The following LSS variants were observed in gnomAD, a reference collection of about 807,000 sequenced individuals.
LSS encodes the protein 2,3-epoxysqualene-lanosterol cyclase.
A neutral mutation model predicts 110.3 loss-of-function variants in LSS; 90 were observed. The ratio of observed to expected loss-of-function variants is 0.82; its 90% CI spans 0.69 to 0.97. The LOEUF is 0.97. Ranked by LOEUF, LSS falls within the 50% of genes least tolerant of loss-of-function variation. LSS has a pLI of 0.00. For missense variants in LSS, 927 were observed against 990.0 expected, an observed-to-expected ratio of 0.94 and a Z score of 0.85; for synonymous variants, 433 against 400.0, an observed-to-expected ratio of 1.08 and a Z score of -0.98.
In LSS at chr21:46,192,216, G is replaced by GT. The variant is rs1269755562; in HGVS notation, c.1989-258dup. The stretch of plus-strand genomic sequence containing the variant: ...CAGGCCTCCTCAGGCCTGCCCTGGT[G>GT]TTCCCCCCTGAAGAGGACGCCAAGC... On this transcript the variant is annotated intron_variant, in intron 20 of 21. Transcript: ENST00000397728. The GT allele has an allele frequency of 8.7e-6, 5 of 572,772 alleles. No individual in the cohort carries two copies. In the Admixed American group the frequency reaches 1.5e-4, roughly 17 times the overall value. The allele number at this position is 572,772 out of a possible 1,614,324, so 35.5% of individuals were successfully genotyped here.
chr21:46,199,315 G>A (rs1417954096), intron 17 of LSS, among the ~76,000 whole-genome samples: 1 of 152,196 alleles, frequency 6.6e-6, no homozygotes, highest in Non-Finnish European at 1.5e-5. Flanking sequence ...ATTGAAACAA[G>A]GAGATACCAC....
intron 17 of LSS, among the ~76,000 whole-genome samples, chr21:46,202,121 G>A (rs1295513010): frequency 2.1e-5 from 3 of 140,302 alleles, no homozygotes; most frequent in Non-Finnish European, 4.7e-5. Flanking sequence ...TAGGCCGGGC[G>A]CGGTGGCTCA....
intron 13 of LSS, 128 bp from the exon 14 acceptor site, chr21:46,208,429 C>A (rs113532472): frequency 1.2e-6 from 1 of 831,630 alleles, no homozygotes; most frequent in East Asian, 2.7e-5. Flanking sequence ...CTTACTCTGC[C>A]GGCCACAGCC....
intron 19 of LSS, 89 bp downstream of exon 19, chr21:46,195,587 C>A: frequency 1.7e-6 from 2 of 1,190,754 alleles, no homozygotes; most frequent in Non-Finnish European, 1.2e-6. Flanking sequence ...AACAAACAAA[C>A]CCTAAAACCA....
At chr21:46,195,942 G>A (rs1048664631) in intron 18 of LSS, among the ~76,000 whole-genome samples, 186 bp from the exon 19 acceptor site, 4 of 152,218 alleles carry the variant, frequency 2.6e-5, no homozygotes, top group African/African-American at 9.6e-5. Flanking sequence ...AAAGGGTGGA[G>A]GGAATAGCCA....
In LSS at chr21:46,215,277, T is replaced by G. The variant is rs375558460; in HGVS notation, c.914A>C (p.His305Pro). 3 of 1,609,860 alleles carry G rather than the reference T, an allele frequency of 1.9e-6. No homozygotes were observed. The highest frequency in any genetic ancestry group is 1.3e-5 in the African/African-American group (1 of 74,852). Residue 305 changes from histidine (H) to proline (P), a missense_variant, in exon 9 of 22, where the codon CAC becomes CCC. Transcript: ENST00000397728. ...CTGCCGCAGGTGGGCACTGTGGTGG[T>G]GCTCATACAGGTTGAGGAGCGCTAC... Reference protein sequence around the residue: ...VVYALLNLYEHHHSAHLRQRA... With the variant: ...VVYALLNLYEPHHSAHLRQRA...
Position 46,205,771 on chromosome 21 carries a change from G to T in LSS, c.1670+65C>A, listed in dbSNP as rs1412267298. 15 of 1,271,062 alleles carry T rather than the reference G, an allele frequency of 1.2e-5. No individual in the cohort carries two copies. In the Admixed American group the frequency reaches 1.5e-4, roughly 13 times the overall value. The allele number at this position is 1,271,062 out of a possible 1,614,324, so 78.7% of individuals were successfully genotyped here. A position where few individuals can be genotyped will look rare whatever the true frequency, so the allele number is the denominator to read the frequency against. On this transcript the variant is annotated intron_variant, in intron 17 of 21. Transcript: ENST00000397728. ...GGCCACCAGGGCCGTGTCACAGAAT[G>T]ATGCGTCTGGGTCTTGGCCCCCGAC...
chr21:46,219,807 G>A (rs892528294), intron 5 of LSS, among the ~76,000 whole-genome samples: 1 of 152,186 alleles, frequency 6.6e-6, no homozygotes, highest in African/African-American at 2.4e-5. Flanking sequence ...GAGTGTGTGT[G>A]TCCAGCCCCA....
In LSS at chr21:46,209,544, C is replaced by A. The variant is rs1327951299; in HGVS notation, c.1266+10G>T. ...TTCAGCCCCCTCAGAGCCCCAGGCA[C>A]CGGCCTCACCTGTGAGAGCCTCAGG... On this transcript the variant is annotated intron_variant, in intron 13 of 21. Transcript: ENST00000397728. This position sits in a 1 kb window ranked among gnomAD's most constrained non-coding sequence, Gnocchi z 4.4. The A allele has an allele frequency of 1.9e-6, 3 of 1,599,580 alleles. No homozygotes were observed. The highest frequency in any genetic ancestry group is 2.6e-6 in the Non-Finnish European group (3 of 1,173,482).
At chr21:46,196,070 G>T in intron 18 of LSS, 132 bp downstream of exon 18, 1 of 904,304 alleles carries the variant, frequency 1.1e-6, no homozygotes, top group Non-Finnish European at 1.7e-6. Context: ...AGAAGTCACG[G>T]GCTGGCAGCT....
chr21:46,227,742 C>G, intron 2 of LSS, 52 bp from the exon 3 acceptor site: 2 of 1,601,656 alleles, frequency 1.2e-6, no homozygotes, highest in Non-Finnish European at 1.7e-6. Context: ...GACTGTTGCC[C>G]GGCCAGAGGA....
chr21:46,207,621 C>A, intron 14 of LSS, 44 bp from the exon 15 acceptor site: 11 of 1,589,768 alleles, frequency 6.9e-6, no homozygotes, highest in South Asian at 1.1e-5. Flanking sequence ...GTGTCCACAC[C>A]CCAGTTCTCA....
chr21:46,207,651 C>A, intron 14 of LSS, 74 bp from the exon 15 acceptor site: 1 of 1,498,342 alleles, frequency 6.7e-7, no homozygotes, highest in South Asian at 1.2e-5. Context: ...CACAGCCGCA[C>A]GCATCCCTCC....
At chr21:46,214,645 A>G (rs1272615535) in intron 9 of LSS, among the ~76,000 whole-genome samples, 3 of 152,182 alleles carry the variant, frequency 2.0e-5, no homozygotes, top group Non-Finnish European at 4.4e-5. Flanking sequence ...GCCACGCACC[A>G]GCACAGCCCG....
At position 46,196,089 on chromosome 21, in the gene LSS, G is replaced by C. The variant is rs2079906139; in HGVS notation, c.1736+113C>G. The C allele has an allele frequency of 3.6e-6, 4 of 1,116,980 alleles. No individual in the cohort carries two copies. The Admixed American group carries it at 8.2e-5, about 23-fold the overall frequency. The allele number at this position is 1,116,980 out of a possible 1,614,324, so 69.2% of individuals were successfully genotyped here. On this transcript the variant is annotated intron_variant, in intron 18 of 21. Coordinates refer to ENST00000397728, the MANE Select transcript of LSS (RefSeq NM_002340.6). Reference sequence around the variant, plus strand: ...GTCACGGGCTGGCAGCTCACTTCCAGAAACTTCTGGTGTAGCAACAACATA... The same window carrying C: ...GTCACGGGCTGGCAGCTCACTTCCACAAACTTCTGGTGTAGCAACAACATA...
intron 17 of LSS, among the ~76,000 whole-genome samples, chr21:46,205,137 T>C (rs1416774528): frequency 2.0e-5 from 3 of 152,124 alleles, no homozygotes; most frequent in Non-Finnish European, 4.4e-5. Flanking sequence ...AAAAGATAAG[T>C]ACAAGAGTGT....
chr21:46,225,910 G>C (rs1228540235), intron 3 of LSS, among the ~76,000 whole-genome samples: 1 of 152,080 alleles, frequency 6.6e-6, no homozygotes, highest in East Asian at 1.9e-4. Flanking sequence ...TGGTGGTAGT[G>C]GTCCCCCGGG....
chr21:46,225,860 C>T (rs150116899), intron 3 of LSS, among the ~76,000 whole-genome samples: 1,805 of 152,200 alleles, frequency 0.012, 24 homozygotes, highest in Middle Eastern at 0.034. Context: ...TAAATATCAG[C>T]GCAGCCTGGC....
chr21:46,196,050 G>C (rs973954429), intron 18 of LSS, 152 bp downstream of exon 18: 6 of 773,054 alleles, frequency 7.8e-6, no homozygotes, highest in Non-Finnish European at 1.1e-5. Context: ...ACAAAGGAAC[G>C]AGGTCCCCCA....
Sources: allele counts gnomAD v4.1 joint callset (sites outside exome capture counted in the v4.1 genomes callset), GRCh38; gene constraint gnomAD v4.1.1; non-coding constraint Gnocchi (gnomAD v3.1); transcripts MANE v1.5; gene names NCBI Gene and HGNC (gene_info 2026-07-23, HGNC 2026-07-21).